The following MFAP1 variants were observed in gnomAD, a reference collection of about 807,000 sequenced individuals.
The protein encoded by MFAP1 is microfibril associated protein 1, also known as microfibrillar-associated protein 1.
Under a neutral mutation model 62.2 loss-of-function variants are expected in MFAP1, and 18 were observed. The observed-to-expected ratio is 0.29, with a 90% confidence interval of 0.20 to 0.43. The LOEUF is 0.43. Ranked by LOEUF, MFAP1 falls within the 20% of genes least tolerant of loss-of-function variation. The pLI, the probability that MFAP1 is intolerant of heterozygous loss-of-function variation, is 1.00. For synonymous variants in MFAP1, 175 were observed against 180.4 expected (o/e 0.97, Z 0.24); for missense variants, 355 against 559.7 (o/e 0.63, Z 3.69).
At chr15:43,820,765 C>CG (rs1170975353) in intron 1 of MFAP1, among the ~76,000 whole-genome samples, 4 of 152,108 alleles carry the variant, frequency 2.6e-5, no homozygotes, top group Non-Finnish European at 5.9e-5. Flanking sequence ...AACACCATGC[C>CG]GGTCTAATTT....
intron 7 of MFAP1, among the ~76,000 whole-genome samples, chr15:43,806,807 G>T (rs916083872): frequency 6.6e-6 from 1 of 152,182 alleles, no homozygotes; most frequent in Non-Finnish European, 1.5e-5. Context: ...AGGAGGTGGA[G>T]GTTGCAGTGA....
At chr15:43,817,826 G>A (rs75891797) in intron 1 of MFAP1, among the ~76,000 whole-genome samples, 185 of 152,298 alleles carry the variant, frequency 1.2e-3, no homozygotes, top group African/African-American at 4.2e-3. Context: ...CCAGCACATA[G>A]TAAGGGTAAT....
intron 2 of MFAP1, 26 bp downstream of exon 2, chr15:43,817,203 C>T: frequency 6.2e-7 from 1 of 1,602,842 alleles, no homozygotes. Context: ...GGTTCATGTT[C>T]AAGTAAACAC....
chr15:43,805,909 G>A (rs1180711745), intron 7 of MFAP1, among the ~76,000 whole-genome samples: 4 of 151,700 alleles, frequency 2.6e-5, no homozygotes, highest in Non-Finnish European at 5.9e-5. Flanking sequence ...ACTGCGCCCG[G>A]CCGAGATGAT....
intron 4 of MFAP1, 48 bp downstream of exon 4, chr15:43,814,453 G>C (rs1319312779): frequency 6.5e-7 from 1 of 1,544,044 alleles, no homozygotes; most frequent in South Asian, 1.2e-5. Context: ...CTCCAGGCCT[G>C]GAAAGTGGTA....
intron 7 of MFAP1, among the ~76,000 whole-genome samples, chr15:43,807,209 G>C (rs1049232283): frequency 6.6e-6 from 1 of 151,548 alleles, no homozygotes; most frequent in Non-Finnish European, 1.5e-5. Flanking sequence ...AAACTAGTTG[G>C]GCGTGGTGGT....
At position 43,817,229 on chromosome 15, in the gene MFAP1, C is replaced by T; in HGVS notation, c.299G>A (p.Arg100Lys). The change falls in exon 2 of 9, where the codon AGA (arginine) becomes AAA (lysine). Residue 100 changes from arginine to lysine, a missense_variant and splice_region_variant. By Grantham distance (26) the Arg-to-Lys change is conservative. Transcript: ENST00000267812. ...AAGTAAACACAATCACAGACATTAC[C>T]TCTCTTCCACATCTTCACTAATACG... ...QNRISEDVEE[R>K]LARHRKIVEP... is the part of the protein sequence containing the mutation. The T allele has an allele frequency of 6.2e-7, 1 of 1,612,864 alleles. No homozygotes were observed. The highest frequency in any genetic ancestry group is 8.5e-7 in the Non-Finnish European group (1 of 1,179,884).
At chr15:43,817,498 T>G (rs1418580972) in intron 1 of MFAP1, 50 bp from the exon 2 acceptor site, 1 of 1,593,530 alleles carries the variant, frequency 6.3e-7, no homozygotes, top group Non-Finnish European at 8.6e-7. Flanking sequence ...CTCAATGTGC[T>G]TCAACCCATC....
At chr15:43,814,418 A>G in intron 4 of MFAP1, 83 bp downstream of exon 4, 1 of 1,452,946 alleles carries the variant, frequency 6.9e-7, no homozygotes, top group South Asian at 1.4e-5. Flanking sequence ...ATTTCAGAAT[A>G]GCAAGACAGA....
intron 6 of MFAP1, among the ~76,000 whole-genome samples, chr15:43,812,059 G>A (rs571827872): frequency 1.3e-5 from 2 of 151,972 alleles, no homozygotes; most frequent in Non-Finnish European, 2.9e-5. Context: ...GCATGGTGGC[G>A]CATGCCTGTA....
chr15:43,804,867 G>A lies in MFAP1; in HGVS notation c.*227C>T. The A allele has an allele frequency of 2.5e-6, 1 of 403,290 alleles. No individual in the cohort carries two copies. The highest frequency in any genetic ancestry group is 4.4e-6 in the Non-Finnish European group (1 of 229,000). 25.0% of individuals were successfully genotyped at this position (403,290 alleles called of 1,614,324 possible). ...TAAGATTTCTCAGAAATAGTTTTAA[G>A]TGGGAAGCCTCTAATCCTACCTGGA... On this transcript the variant is annotated 3_prime_UTR_variant, in exon 9 of 9. Transcript: ENST00000267812.
At chr15:43,819,359 C>T (rs994896128) in intron 1 of MFAP1, among the ~76,000 whole-genome samples, 1 of 152,188 alleles carries the variant, frequency 6.6e-6, no homozygotes, top group African/African-American at 2.4e-5. Flanking sequence ...CCAAGCTGGC[C>T]TTGGACTCCT....
intron 6 of MFAP1, chr15:43,810,241 G>T: frequency 4.4e-6 from 1 of 227,654 alleles, no homozygotes; most frequent in South Asian, 1.3e-4. Flanking sequence ...AAAAATCAGT[G>T]AATTTAAAAT....
chr15:43,823,708 C>T (rs1210967629), intron 1 of MFAP1, among the ~76,000 whole-genome samples: 1 of 152,160 alleles, frequency 6.6e-6, no homozygotes, highest in Admixed American at 6.5e-5. Flanking sequence ...GGACAACCAC[C>T]TGCCTCTCAG....
chr15:43,818,105 C>T (rs1186442963), intron 1 of MFAP1, among the ~76,000 whole-genome samples: 9 of 151,682 alleles, frequency 5.9e-5, no homozygotes, highest in African/African-American at 1.9e-4. Context: ...CTGCAACCTC[C>T]GCCTCCCGGG....
intron 1 of MFAP1, 144 bp downstream of exon 1, chr15:43,824,347 G>A (rs1162571279): frequency 1.4e-6 from 1 of 724,982 alleles, no homozygotes; most frequent in East Asian, 2.7e-5. Flanking sequence ...GGATGCAAGT[G>A]GGTGGGGGTG....
At chr15:43,823,870 G>A (rs1645792614) in intron 1 of MFAP1, among the ~76,000 whole-genome samples, 1 of 152,186 alleles carries the variant, frequency 6.6e-6, no homozygotes. Flanking sequence ...GGCTGAGGCA[G>A]GAGGACAGCC....
At chr15:43,814,439 T>C (rs2087422069) in intron 4 of MFAP1, 62 bp downstream of exon 4, 1 of 1,506,116 alleles carries the variant, frequency 6.6e-7, no homozygotes, top group Non-Finnish European at 8.9e-7. Context: ...AAACAGACTT[T>C]TGTCTCCAGG....
At position 43,805,164 on chromosome 15, in the gene MFAP1, A is replaced by G; in HGVS notation, c.1250T>C (p.Phe417Ser). 2 of 1,603,006 alleles carry G rather than the reference A, an allele frequency of 1.2e-6. No individual in the cohort carries two copies. The highest frequency in any genetic ancestry group is 1.7e-6 in the Non-Finnish European group (2 of 1,170,624). Residue 417 changes from phenylalanine to serine, a missense_variant, in exon 9 of 9, where the codon TTC becomes TCC. Coordinates refer to ENST00000267812, the MANE Select transcript of MFAP1 (RefSeq NM_005926.3). The stretch of plus-strand genomic sequence containing the variant: ...TCGTACCCCAGCTGCCTTTTGTTTG[A>G]AGAACTTTGTGTTCTGGGCACTCTC... ...GQESAQNTKF[F>S]KQKAAGVRDV... is the part of the protein sequence containing the mutation.
Sources: gnomAD v4.1 joint callset for allele counts (sites outside exome capture counted in the v4.1 genomes callset) on GRCh38, gnomAD v4.1.1 for gene constraint, MANE v1.5 for transcripts, NCBI Gene and HGNC (gene_info 2026-07-23, HGNC 2026-07-21) for gene names.